DRC8: variants seen among roughly 807,000 people sequenced by gnomAD.
The protein encoded by DRC8 is dynein regulatory complex protein 8.
the DRC8 span, among the ~76,000 whole-genome samples, chr1:245,008,109 G>C: frequency 6.6e-6 from 1 of 152,238 alleles, no homozygotes; most frequent in Admixed American, 6.5e-5. Flanking sequence ...CTGGGAGTTT[G>C]ATGCTACAGT....
At chr1:244,981,581 A>G in the DRC8 span, among the ~76,000 whole-genome samples, 1 of 152,234 alleles carries the variant, frequency 6.6e-6, no homozygotes, top group Non-Finnish European at 1.5e-5. Context: ...TTCCAGTTTC[A>G]GCTCAAAAGG....
chr1:245,000,610 C>T, the DRC8 span, among the ~76,000 whole-genome samples: 1 of 151,996 alleles, frequency 6.6e-6, no homozygotes, highest in African/African-American at 2.4e-5. Flanking sequence ...GAAACCCCGT[C>T]TCTACTAAAA....
chr1:245,087,067 C>T, the DRC8 span: 1 of 891,250 alleles, frequency 1.1e-6, no homozygotes, highest in East Asian at 2.7e-5. Flanking sequence ...CCAGGGTGTA[C>T]AATAGCCTTG....
chr1:244,998,398 G>T, the DRC8 span, among the ~76,000 whole-genome samples: 1 of 152,038 alleles, frequency 6.6e-6, no homozygotes, highest in Non-Finnish European at 1.5e-5. Flanking sequence ...ATTTTTAGTA[G>T]AGATGAGGTC....
the DRC8 span, among the ~76,000 whole-genome samples, chr1:245,065,868 C>G: frequency 6.6e-6 from 1 of 151,844 alleles, no homozygotes; most frequent in Non-Finnish European, 1.5e-5. Flanking sequence ...TGTTTACACT[C>G]TTTAGAAGGT....
the DRC8 span, chr1:245,082,114 G>A: frequency 8.7e-6 from 14 of 1,612,664 alleles, no homozygotes; most frequent in Admixed American, 1.3e-4. Flanking sequence ...GGATACATTC[G>A]ATTCGAAAAA....
the DRC8 span, among the ~76,000 whole-genome samples, chr1:245,065,305 G>A: frequency 1.3e-5 from 2 of 151,808 alleles, no homozygotes; most frequent in Admixed American, 1.3e-4. Flanking sequence ...TGCCCGCCTC[G>A]GCCTCCCAAA....
the DRC8 span, among the ~76,000 whole-genome samples, chr1:245,118,337 G>C: frequency 3.3e-5 from 5 of 152,174 alleles, no homozygotes; most frequent in Admixed American, 3.3e-4. Flanking sequence ...CGCTGGGCTT[G>C]GCTGGGGAGG....
At chr1:245,009,477 T>TTC in the DRC8 span, among the ~76,000 whole-genome samples, 3,553 of 151,042 alleles carry the variant, frequency 0.024, 164 homozygotes, top group African/African-American at 0.083. Context: ...ACGATTTTTT[T>TTC]TTTTTTTTGA....
chr1:244,974,449 G>A, the DRC8 span, among the ~76,000 whole-genome samples: 2 of 152,142 alleles, frequency 1.3e-5, no homozygotes, highest in East Asian at 1.9e-4. Context: ...TACTTTGCGT[G>A]CTTTGATAAC....
At chr1:244,972,874 C>G in the DRC8 span, among the ~76,000 whole-genome samples, 3 of 151,590 alleles carry the variant, frequency 2.0e-5, no homozygotes, top group Non-Finnish European at 1.5e-5. Flanking sequence ...TGTGCTGTAT[C>G]TCATTTATTG....
At chr1:244,983,775 G>A in the DRC8 span, among the ~76,000 whole-genome samples, 3 of 146,596 alleles carry the variant, frequency 2.0e-5, no homozygotes, top group Non-Finnish European at 3.0e-5. Flanking sequence ...CGGAAATACC[G>A]CAATTACTTT....
the DRC8 span, among the ~76,000 whole-genome samples, chr1:245,079,023 T>C: frequency 5.3e-5 from 8 of 152,322 alleles, no homozygotes; most frequent in African/African-American, 1.4e-4. Flanking sequence ...TGTATTATAT[T>C]TGGAACTTTT....
chr1:245,106,063 T>C, the DRC8 span, among the ~76,000 whole-genome samples: 742 of 152,338 alleles, frequency 4.9e-3, 5 homozygotes, highest in African/African-American at 0.017. Flanking sequence ...ACCCTGTCTC[T>C]GGAAAACAAA....
At chr1:245,080,614 T>G in the DRC8 span, among the ~76,000 whole-genome samples, 1 of 152,180 alleles carries the variant, frequency 6.6e-6, no homozygotes, top group African/African-American at 2.4e-5. Flanking sequence ...TTTCCATCCT[T>G]ACTCATAATG....
the DRC8 span, among the ~76,000 whole-genome samples, chr1:245,121,483 A>G: frequency 3.3e-5 from 5 of 152,196 alleles, no homozygotes. Context: ...GAGACAGCCC[A>G]TGGTCTTTCC....
the DRC8 span, among the ~76,000 whole-genome samples, chr1:245,050,440 C>T: frequency 6.6e-6 from 1 of 152,108 alleles, no homozygotes; most frequent in African/African-American, 2.4e-5. Flanking sequence ...TCAGACTTCT[C>T]CCCAGCTCTC....
chr1:245,108,992 G>A, the DRC8 span, among the ~76,000 whole-genome samples: 9 of 152,278 alleles, frequency 5.9e-5, no homozygotes, highest in South Asian at 4.1e-4. Flanking sequence ...TGTTGTATTT[G>A]GGAGGAAACA....
the DRC8 span, among the ~76,000 whole-genome samples, chr1:245,118,914 A>C: frequency 6.6e-6 from 1 of 152,224 alleles, no homozygotes; most frequent in East Asian, 1.9e-4. Context: ...CTTTACTTGC[A>C]TGGGACAGCT....
Sources: gnomAD v4.1 joint callset for allele counts (sites outside exome capture counted in the v4.1 genomes callset) on GRCh38, gnomAD v4.1.1 for gene constraint, MANE v1.5 for transcripts, NCBI Gene and HGNC (gene_info 2026-07-23, HGNC 2026-07-21) for gene names.